SENP3: variants seen among roughly 807,000 people sequenced by gnomAD.
SENP3 encodes sentrin-specific protease 3.
SENP3 carries 11 observed loss-of-function variants against 66.2 expected under a neutral mutation model. That is an observed-to-expected ratio of 0.17 (90% CI 0.10 to 0.28). The LOEUF is 0.28. SENP3 is among the 10% of genes least tolerant of loss of function. The probability of loss-of-function intolerance (pLI) is 1.00; values close to 1 mark genes in which losing one functional copy is unlikely to be tolerated. For missense variants in SENP3, 548 were observed against 743.7 expected, an observed-to-expected ratio of 0.74 and a Z score of 3.06; for synonymous variants, 292 against 277.6, an observed-to-expected ratio of 1.05 and a Z score of -0.52.
chr17:7,571,563 C>A lies in SENP3; in HGVS notation c.*80C>A. The stretch of plus-strand genomic sequence containing the variant: ...TTCCCAAGAAACTCCAGTTCCTTTC[C>A]TCTCTTGCCTCTTCCCACTCACTTC... On this transcript the variant is annotated 3_prime_UTR_variant, in exon 11 of 11. Coordinates refer to ENST00000321337, the MANE Select transcript of SENP3 (RefSeq NM_015670.6). 1.2e-6 allele frequency: 1 copy of A among 853,990 alleles called. No individual in the cohort carries two copies. Among genetic ancestry groups the A allele is most frequent in the Non-Finnish European group, 1.9e-6 (1 of 517,146 alleles). The allele number at this position is 853,990 out of a possible 1,614,324, so 52.9% of individuals were successfully genotyped here. A position where few individuals can be genotyped will look rare whatever the true frequency, so the allele number is the denominator to read the frequency against.
In SENP3 at chr17:7,571,928, G is replaced by T. The variant is rs1244391817; in HGVS notation, c.*445G>T. On this transcript the variant is annotated 3_prime_UTR_variant, in exon 11 of 11. Transcript: ENST00000321337. The stretch of plus-strand genomic sequence containing the variant: ...ATATATAAAAATATATAAATGCCAC[G>T]GTCCTGCTCTGGTCAATAAAGGATC... 3 of 112,660 alleles carry T rather than the reference G, an allele frequency of 2.7e-5. No individual in the cohort carries two copies. Among genetic ancestry groups the T allele is most frequent in the South Asian group, 3.2e-4 (1 of 3,128 alleles). The allele number at this position is 112,660 out of a possible 1,614,324, so 7.0% of individuals were successfully genotyped here.
At chr17:7,568,080 C>A (rs1248505794) in intron 7 of SENP3, among the ~76,000 whole-genome samples, 2 of 150,974 alleles carry the variant, frequency 1.3e-5, no homozygotes, top group Non-Finnish European at 3.0e-5. Flanking sequence ...TGACCAGGCT[C>A]CTGGCATTCA....
Position 7,570,285 on chromosome 17 carries a change from T to C in SENP3, c.1342-71T>C. On this transcript the variant is annotated intron_variant, in intron 7 of 10. Coordinates refer to ENST00000321337, the MANE Select transcript of SENP3 (RefSeq NM_015670.6). The surrounding 1 kb of genome is among the most constrained non-coding windows in gnomAD (Gnocchi z 5.4). ...GTTCCCTTACCTGTGTCTCTGTTCCTCTCTAGAACCTTCATGGCAAAAGGC... is the reference window on the plus strand; with the variant it reads ...GTTCCCTTACCTGTGTCTCTGTTCCCCTCTAGAACCTTCATGGCAAAAGGC... 6.4e-7 allele frequency: 1 copy of C among 1,561,188 alleles called. No homozygotes were observed. The highest frequency in any genetic ancestry group is 8.7e-7 in the Non-Finnish European group (1 of 1,144,446).
chr17:7,570,754 A>C lies in SENP3; in HGVS notation c.1553A>C (p.Tyr518Ser). The C allele has an allele frequency of 6.2e-7, 1 of 1,611,534 alleles. No homozygotes were observed. The highest frequency in any genetic ancestry group is 8.5e-7 in the Non-Finnish European group (1 of 1,178,710). The change falls in exon 9 of 11, where the codon TAC (tyrosine) becomes TCC (serine). Residue 518 changes from tyrosine (Y) to serine (S), a missense_variant. Coordinates refer to ENST00000321337, the MANE Select transcript of SENP3 (RefSeq NM_015670.6). This position sits in a 1 kb window ranked among gnomAD's most constrained non-coding sequence, Gnocchi z 5.4. ...GATTTCCACCAGGGCTGGAAAGGTTACTTCAAAATGGTGAGTTTCCTGAGG... is the reference window on the plus strand; with the variant it reads ...GATTTCCACCAGGGCTGGAAAGGTTCCTTCAAAATGGTGAGTTTCCTGAGG... ...RLDFHQGWKG[Y>S]FKMNVARQNN...
chr17:7,564,278 C>T (rs1273074271), intron 2 of SENP3: 2 of 423,626 alleles, frequency 4.7e-6, no homozygotes, highest in Non-Finnish European at 8.8e-6. Flanking sequence ...GTCTTTATTA[C>T]ATATTCTAGT....
At chr17:7,571,011 C>A in intron 10 of SENP3, 78 bp downstream of exon 10, 1 of 1,224,372 alleles carries the variant, frequency 8.2e-7, no homozygotes, top group Non-Finnish European at 1.2e-6. Context: ...TATGCATCCC[C>A]TCATTTGGCT....
chr17:7,567,088 C>T, intron 7 of SENP3, 84 bp downstream of exon 7: 1 of 905,570 alleles, frequency 1.1e-6, no homozygotes, highest in Non-Finnish European at 1.8e-6. Context: ...CTTTCCCTGA[C>T]CGTGTTCATT....
chr17:7,565,264 C>G (rs2071258694), intron 4 of SENP3, 176 bp from the exon 5 acceptor site: 1 of 838,336 alleles, frequency 1.2e-6, no homozygotes, highest in African/African-American at 1.7e-5. Context: ...AAATGTTCTA[C>G]CTGAGTAGTC....
At position 7,570,104 on chromosome 17, in the gene SENP3, A is replaced by G. The variant is rs910935330; in HGVS notation, c.1342-252A>G. Among the ~76,000 whole-genome samples, 3 of 152,154 alleles carry G rather than the reference A, an allele frequency of 2.0e-5. No individual in the cohort carries two copies. Among genetic ancestry groups the G allele is most frequent in the African/African-American group, 4.8e-5 (2 of 41,428 alleles). On this transcript the variant is annotated intron_variant, in intron 7 of 10. Coordinates refer to ENST00000321337, the MANE Select transcript of SENP3 (RefSeq NM_015670.6). This position sits in a 1 kb window ranked among gnomAD's most constrained non-coding sequence, Gnocchi z 5.4. ...TTAGCTGCTAAGTGCTTCTCCCTTT[A>G]AAGTGTGAAAAGCGCCTGCCCATCA...
chr17:7,563,932 G>T, intron 2 of SENP3, 141 bp downstream of exon 2: 1 of 730,478 alleles, frequency 1.4e-6, no homozygotes, highest in Middle Eastern at 4.0e-4. Flanking sequence ...GAAGAGCTGC[G>T]AAATGTCTCC....
chr17:7,571,505 G>C lies in SENP3; in HGVS notation c.*22G>C. On this transcript the variant is annotated 3_prime_UTR_variant, in exon 11 of 11. Coordinates refer to ENST00000321337, the MANE Select transcript of SENP3 (RefSeq NM_015670.6). ...GTGAGCCTCGTACCCCAGACCCCAAGCCCATAAATGGGAAGGGAGACATGG... is the reference window on the plus strand; with the variant it reads ...GTGAGCCTCGTACCCCAGACCCCAACCCCATAAATGGGAAGGGAGACATGG... 6.4e-7 allele frequency: 1 copy of C among 1,571,146 alleles called. No homozygotes were observed. Among genetic ancestry groups the C allele is most frequent in the Non-Finnish European group, 8.8e-7 (1 of 1,141,930 alleles).
At chr17:7,564,284 C>T in intron 2 of SENP3, 1 of 432,888 alleles carries the variant, frequency 2.3e-6, no homozygotes, top group Non-Finnish European at 4.3e-6. Flanking sequence ...ATTACATATT[C>T]TAGTATTCAT....
At chr17:7,566,880 T>C in intron 6 of SENP3, 47 bp from the exon 7 acceptor site, 1 of 1,330,202 alleles carries the variant, frequency 7.5e-7, no homozygotes, top group Non-Finnish European at 1.1e-6. Flanking sequence ...AGTGGGAGAG[T>C]CTGAGGTCTT....
At chr17:7,569,401 T>A (rs1238561496) in intron 7 of SENP3, among the ~76,000 whole-genome samples, 19 of 94,518 alleles carry the variant, frequency 2.0e-4, no homozygotes, top group East Asian at 1.2e-3. Flanking sequence ...AAAAAAAAGA[T>A]TTGTTTTTTC....
chr17:7,565,415 G>A lies in SENP3; in HGVS notation c.1068-25G>A, dbSNP rs747299629. 16 of 1,612,048 alleles carry A rather than the reference G, an allele frequency of 9.9e-6. No homozygotes were observed. The South Asian group carries it at 1.8e-4, about 18-fold the overall frequency. ...GTGCCCCAGCTGCATCATCTTTTGT[G>A]TGACTCCACCCTTGGCCTACTCAGG... On this transcript the variant is annotated intron_variant, in intron 4 of 10. Transcript: ENST00000321337.
In SENP3 at chr17:7,571,837, TTATATATATATA is replaced by T. The variant is rs58537439; in HGVS notation, c.*415_*426del. 5 of 30,494 alleles carry T rather than the reference TTATATATATATA, an allele frequency of 1.6e-4. No homozygotes were observed. Among genetic ancestry groups the T allele is most frequent in the South Asian group, 1.6e-3 (1 of 622 alleles). The allele number at this position is 30,494 out of a possible 1,614,324, so 1.9% of individuals were successfully genotyped here. A position where few individuals can be genotyped will look rare whatever the true frequency, so the allele number is the denominator to read the frequency against. On this transcript the variant is annotated 3_prime_UTR_variant, in exon 11 of 11. Coordinates refer to ENST00000321337, the MANE Select transcript of SENP3 (RefSeq NM_015670.6). ...CACTGCCTGCCAGATCTTCAAACTTTTATATATATATATATATATATATATATATATATATAT... is the reference window on the plus strand; with the variant it reads ...CACTGCCTGCCAGATCTTCAAACTTTTATATATATATATATATATATATAT...
intron 7 of SENP3, among the ~76,000 whole-genome samples, chr17:7,568,642 A>T (rs1342226095): frequency 6.6e-6 from 1 of 151,982 alleles, no homozygotes; most frequent in Non-Finnish European, 1.5e-5. Context: ...TAGATAGCTG[A>T]AGGCATGGAG....
At position 7,564,818 on chromosome 17, in the gene SENP3, C is replaced by T. The variant is rs370339345; in HGVS notation, c.909C>T (p.Ala303=). ...AGGCAGAGAGGCCTGGGGAGAAAGC[C>T]GGCCAGCACAGCCCCCTGCGAGAGG... ...AEEAERPGEK[A]GQHSPLREEH... is the part of the protein sequence containing the mutation. Residue 303 remains alanine (A), a synonymous_variant, in exon 3 of 11, where the codon GCC becomes GCT. Coordinates refer to ENST00000321337, the MANE Select transcript of SENP3 (RefSeq NM_015670.6). 4.6e-5 allele frequency: 74 copies of T among 1,613,202 alleles called. No homozygotes were observed. Among genetic ancestry groups the T allele is most frequent in the East Asian group, 2.9e-4 (13 of 44,900 alleles).
At chr17:7,564,435 G>T (rs1247424748) in intron 2 of SENP3, 190 bp from the exon 3 acceptor site, 2 of 782,832 alleles carry the variant, frequency 2.6e-6, no homozygotes, top group African/African-American at 1.7e-5. Flanking sequence ...CATCCCTGTA[G>T]AATCTCTTGG....
Sources: gnomAD v4.1 joint callset for allele counts (sites outside exome capture counted in the v4.1 genomes callset) on GRCh38, gnomAD v4.1.1 for gene constraint, Gnocchi (gnomAD v3.1) non-coding constraint, MANE v1.5 for transcripts, NCBI Gene and HGNC (gene_info 2026-07-23, HGNC 2026-07-21) for gene names.